The following INSYN2B variants were observed in gnomAD, a reference collection of about 807,000 sequenced individuals.
INSYN2B encodes inhibitory synaptic factor family member 2B.
INSYN2B carries 16 observed loss-of-function variants against 41.2 expected under a neutral mutation model. That is an observed-to-expected ratio of 0.39 (90% CI 0.26 to 0.59). INSYN2B has a LOEUF of 0.59. Among genes scored for constraint, INSYN2B ranks in the 20% least tolerant of loss-of-function variants. The probability of loss-of-function intolerance (pLI) is 0.57; values close to 1 mark genes in which losing one functional copy is unlikely to be tolerated. For synonymous variants in INSYN2B, 245 were observed against 244.4 expected (o/e 1.00, Z -0.02); for missense variants, 608 against 646.4 (o/e 0.94, Z 0.64).
chr5:169,901,885 G>A (rs1255037759), intron 1 of INSYN2B, among the ~76,000 whole-genome samples: 4 of 152,190 alleles, frequency 2.6e-5, no homozygotes, highest in African/African-American at 9.6e-5. Flanking sequence ...CCCTTCCTCT[G>A]CATGGTGGCC....
intron 1 of INSYN2B, among the ~76,000 whole-genome samples, chr5:169,924,130 T>G (rs33374): frequency 1.2e-4 from 18 of 152,060 alleles, no homozygotes; most frequent in African/African-American, 4.3e-4. Flanking sequence ...GGCACCTGCA[T>G]GCTCCCAGTC....
rs369658808 is a variant in INSYN2B, at chr5:169,957,683, T to G, written c.-919+22594A>C. Among the ~76,000 whole-genome samples, 26 of 152,242 alleles carry G rather than the reference T, an allele frequency of 1.7e-4. 1 individual carries two copies. In the South Asian group the frequency reaches 5.0e-3, roughly 29 times the overall value. On this transcript the variant is annotated intron_variant, in intron 1 of 3. Transcript: ENST00000377365. The stretch of plus-strand genomic sequence containing the variant: ...AGCCTCAGGAATATTTGGAAACCCT[T>G]CTGAGTTTTTCAGCTCCCCAGAGTA...
chr5:169,955,569 G>A (rs184072672), intron 1 of INSYN2B, among the ~76,000 whole-genome samples: 42 of 152,316 alleles, frequency 2.8e-4, no homozygotes, highest in Admixed American at 9.1e-4. Context: ...CAAAATTTCA[G>A]TATGACCTTG....
chr5:169,929,903 C>A (rs1396810271), intron 1 of INSYN2B, among the ~76,000 whole-genome samples: 1 of 152,124 alleles, frequency 6.6e-6, no homozygotes, highest in Non-Finnish European at 1.5e-5. Flanking sequence ...GCCACACATG[C>A]CTGTTAAACA....
chr5:169,879,165 A>T (rs1208994527), intron 3 of INSYN2B, among the ~76,000 whole-genome samples: 5 of 152,236 alleles, frequency 3.3e-5, no homozygotes, highest in Non-Finnish European at 5.9e-5. Flanking sequence ...TCTCCAGAGA[A>T]GAAGACCCAG....
At chr5:169,955,409 G>T (rs1290891834) in intron 1 of INSYN2B, among the ~76,000 whole-genome samples, 2 of 152,132 alleles carry the variant, frequency 1.3e-5, no homozygotes, top group African/African-American at 4.8e-5. Flanking sequence ...GAGAGAGACT[G>T]GGAGGGAAGA....
intron 1 of INSYN2B, among the ~76,000 whole-genome samples, chr5:169,921,713 C>A (rs1232206583): frequency 6.6e-6 from 1 of 152,152 alleles, no homozygotes; most frequent in African/African-American, 2.4e-5. Flanking sequence ...GGGATTGCAT[C>A]CCAGGAGTAC....
intron 1 of INSYN2B, among the ~76,000 whole-genome samples, chr5:169,949,399 GA>G (rs1385314919): frequency 6.6e-6 from 1 of 152,176 alleles, no homozygotes; most frequent in Non-Finnish European, 1.5e-5. Flanking sequence ...GGGGCTGCCT[GA>G]AGGGATGGCT....
At chr5:169,866,476 C>T (rs1236617768) in intron 3 of INSYN2B, among the ~76,000 whole-genome samples, 2 of 152,220 alleles carry the variant, frequency 1.3e-5, no homozygotes, top group Non-Finnish European at 2.9e-5. Context: ...TGTGCATATA[C>T]AACACGCAGC....
chr5:169,971,080 C>T (rs1450579063), intron 1 of INSYN2B, among the ~76,000 whole-genome samples: 2 of 151,638 alleles, frequency 1.3e-5, no homozygotes, highest in Admixed American at 6.6e-5. Flanking sequence ...GCAGCTAATG[C>T]GGACTGCAGA....
chr5:169,934,693 A>G, intron 1 of INSYN2B: 1 of 456,260 alleles, frequency 2.2e-6, no homozygotes, highest in South Asian at 1.5e-5. Context: ...GGTGCTACGG[A>G]GTATTAAATG....
chr5:169,928,782 G>A (rs745790283), intron 1 of INSYN2B, among the ~76,000 whole-genome samples: 4 of 152,174 alleles, frequency 2.6e-5, no homozygotes, highest in Non-Finnish European at 5.9e-5. Context: ...AGCAACCACA[G>A]CCCAATAATG....
At chr5:169,898,428 C>T (rs1193168949) in intron 1 of INSYN2B, among the ~76,000 whole-genome samples, 1 of 152,154 alleles carries the variant, frequency 6.6e-6, no homozygotes, top group Non-Finnish European at 1.5e-5. Flanking sequence ...TTTACTAGCT[C>T]TGTGACCTTG....
chr5:169,975,479 G>C (rs1244401589), intron 1 of INSYN2B, among the ~76,000 whole-genome samples: 1 of 151,998 alleles, frequency 6.6e-6, no homozygotes, highest in Admixed American at 6.6e-5. Flanking sequence ...CATCATATAC[G>C]GAGCCTTCCC....
In INSYN2B at chr5:169,861,938, CT is replaced by C. The variant is rs60375082; in HGVS notation, c.*2334del. ...TTATTTTTTTCTTTTCTTTTCTTTT[CT>C]TTTTTTTTTGTTGGGGAAGTGCAGA... On this transcript the variant is annotated 3_prime_UTR_variant, in exon 4 of 4. Transcript: ENST00000377365. Among the ~76,000 whole-genome samples the C allele has an allele frequency of 8.8e-5, 13 of 147,244 alleles. No individual in the cohort carries two copies. Among genetic ancestry groups the C allele is most frequent in the African/African-American group, 1.5e-4 (6 of 39,886 alleles).
chr5:169,919,626 C>T (rs1395427702), intron 1 of INSYN2B, among the ~76,000 whole-genome samples: 2 of 152,122 alleles, frequency 1.3e-5, no homozygotes, highest in East Asian at 3.9e-4. Context: ...GTTTCCCTGG[C>T]GTATTTTTGT....
At chr5:169,871,868 G>A (rs898696119) in intron 3 of INSYN2B, among the ~76,000 whole-genome samples, 2 of 152,160 alleles carry the variant, frequency 1.3e-5, no homozygotes, top group Non-Finnish European at 2.9e-5. Flanking sequence ...AGCCTTGAAA[G>A]GGAGGCTGCA....
intron 3 of INSYN2B, among the ~76,000 whole-genome samples, chr5:169,878,976 T>C (rs1005986144): frequency 6.6e-6 from 1 of 152,064 alleles, no homozygotes; most frequent in African/African-American, 2.4e-5. Context: ...TGTATCCAAG[T>C]GTTCAATGGT....
At chr5:169,942,125 A>G (rs1288753677) in intron 1 of INSYN2B, among the ~76,000 whole-genome samples, 4 of 152,230 alleles carry the variant, frequency 2.6e-5, no homozygotes, top group African/African-American at 9.6e-5. Context: ...AGGTATCAGG[A>G]AGCAGATTCT....
Sources: gnomAD v4.1 joint callset for allele counts (sites outside exome capture counted in the v4.1 genomes callset) on GRCh38, gnomAD v4.1.1 for gene constraint, MANE v1.5 for transcripts, NCBI Gene and HGNC (gene_info 2026-07-23, HGNC 2026-07-21) for gene names.